Variants in CLDN14 observed in about 807,000 individuals in gnomAD.
CLDN14 encodes claudin 14.
In CLDN14, 2 loss-of-function variants were observed where a neutral mutation model predicts 2.1. The ratio of observed to expected loss-of-function variants is 0.96; its 90% CI spans 0.39 to 3.01. The LOEUF (loss-of-function observed/expected upper bound fraction) is 3.01. Among genes scored for constraint, CLDN14 ranks in the 30% most tolerant of loss-of-function variants. CLDN14 has a pLI of 0.09. For synonymous variants in CLDN14, 136 were observed against 154.4 expected, an observed-to-expected ratio of 0.88 and a Z score of 0.88; for missense variants, 298 against 328.0, an observed-to-expected ratio of 0.91 and a Z score of 0.71.
upstream of CLDN14, among the ~76,000 whole-genome samples, chr21:36,481,903 A>G (rs541075543): frequency 4.3e-4 from 65 of 152,192 alleles, no homozygotes; most frequent in Non-Finnish European, 6.5e-4. Context: ...GGCTAGCACT[A>G]CACCTTCCCC....
At chr21:36,486,527 T>A in intron 2 of CLDN14, 1 of 1,564,304 alleles carries the variant, frequency 6.4e-7, no homozygotes, top group Non-Finnish European at 8.8e-7. Flanking sequence ...GGCACCCCCT[T>A]CCCCAGCCAA....
intron 2 of CLDN14, among the ~76,000 whole-genome samples, chr21:36,496,272 C>T (rs963683296): frequency 6.6e-6 from 1 of 151,286 alleles, no homozygotes; most frequent in African/African-American, 2.4e-5. Flanking sequence ...CCCATCTCTA[C>T]AAAAAAATAC....
upstream of CLDN14, chr21:36,480,864 C>T (rs219740): frequency 0.33 from 50,015 of 151,724 alleles, 10,002 homozygotes; most frequent in African/African-American, 0.57. Context: ...AAAGATGCAG[C>T]GAAGGAATCT....
intron 1 of CLDN14, among the ~76,000 whole-genome samples, chr21:36,560,338 G>A (rs749442391): frequency 5.3e-5 from 8 of 151,564 alleles, no homozygotes; most frequent in Non-Finnish European, 1.0e-4. Context: ...GCATCTTCCT[G>A]GTCCCTTAAC....
intron 2 of CLDN14, among the ~76,000 whole-genome samples, chr21:36,491,010 T>C (rs1212900934): frequency 6.6e-6 from 1 of 151,564 alleles, no homozygotes; most frequent in Non-Finnish European, 1.5e-5. Context: ...ACACACATTG[T>C]TTTCTCAAAA....
intron 1 of CLDN14, among the ~76,000 whole-genome samples, chr21:36,563,262 G>T (rs913781139): frequency 6.6e-6 from 1 of 152,156 alleles, no homozygotes; most frequent in African/African-American, 2.4e-5. Context: ...GAAAAAGATT[G>T]GAGTCATAGC....
intron 1 of CLDN14, among the ~76,000 whole-genome samples, chr21:36,568,911 C>A (rs562840574): frequency 4.3e-4 from 66 of 152,288 alleles, no homozygotes; most frequent in Middle Eastern, 6.8e-3. Context: ...ATTTGATTAA[C>A]CAGTTTGACT....
At position 36,544,395 on chromosome 21, in the gene CLDN14, G is replaced by A. The variant is rs1349690339; in HGVS notation, c.-220+32016C>T. ...AGGGTAGGCCTGCTGGATTGTGGGT[G>A]TCTTACATTTGCTCATCCTCCAAGA... On this transcript the variant is annotated intron_variant, in intron 1 of 2. Coordinates refer to the CLDN14 transcript ENST00000342108. This position sits in a 1 kb window ranked among gnomAD's most constrained non-coding sequence, Gnocchi z 4.1. Among the ~76,000 whole-genome samples the A allele has an allele frequency of 1.3e-5, 2 of 152,230 alleles. No individual in the cohort carries two copies. The highest frequency in any genetic ancestry group is 2.9e-5 in the Non-Finnish European group (2 of 68,040).
At chr21:36,541,448 A>T (rs1186291570) in intron 1 of CLDN14, among the ~76,000 whole-genome samples, 1 of 152,194 alleles carries the variant, frequency 6.6e-6, no homozygotes, top group Admixed American at 6.5e-5. Flanking sequence ...AACTACAAGC[A>T]AAAAACCTTA....
chr21:36,553,863 T>C (rs1416215528), intron 1 of CLDN14, among the ~76,000 whole-genome samples: 1 of 152,192 alleles, frequency 6.6e-6, no homozygotes, highest in Non-Finnish European at 1.5e-5. Flanking sequence ...TGACTCCATC[T>C]TGGATGCTAA....
At chr21:36,522,660 C>T (rs893224087) in intron 1 of CLDN14, among the ~76,000 whole-genome samples, 15 of 152,226 alleles carry the variant, frequency 9.9e-5, no homozygotes, top group African/African-American at 2.9e-4. Flanking sequence ...CGGCTGTCCC[C>T]GGAGCCCAAC....
At position 36,537,651 on chromosome 21, in the gene CLDN14, C is replaced by CTTTTTTTTTTTTTTTTTTTTTTT. The variant is rs371651908; in HGVS notation, c.-219-27152_-219-27151insAAAAAAAAAAAAAAAAAAAAAAA. Reference sequence around the variant, plus strand: ...CTTCTTTTTTCTTTGTTTTTCTTTTCTTTTCTTTTTTTTTTTGAGACGGAG... The same window carrying CTTTTTTTTTTTTTTTTTTTTTTT: ...CTTCTTTTTTCTTTGTTTTTCTTTTCTTTTTTTTTTTTTTTTTTTTTTTTTTTCTTTTTTTTTTTGAGACGGAG... On this transcript the variant is annotated intron_variant, in intron 1 of 2. Transcript: ENST00000342108. 2.1e-5 allele frequency among the ~76,000 whole-genome samples: 3 copies of CTTTTTTTTTTTTTTTTTTTTTTT among 143,606 alleles called. 1 individual carries two copies. Among genetic ancestry groups the CTTTTTTTTTTTTTTTTTTTTTTT allele is most frequent in the Non-Finnish European group, 1.5e-5 (1 of 65,704 alleles). 94.2% of individuals were successfully genotyped at this position (143,606 alleles called of 152,430 possible).
chr21:36,540,334 G>A (rs1178740404), intron 1 of CLDN14, among the ~76,000 whole-genome samples: 3 of 152,108 alleles, frequency 2.0e-5, no homozygotes, highest in African/African-American at 7.2e-5. Context: ...GTAAATAGTT[G>A]TTATACTGTG....
chr21:36,484,431 A>G (rs891882235), upstream of CLDN14, among the ~76,000 whole-genome samples: 3 of 152,124 alleles, frequency 2.0e-5, no homozygotes, highest in African/African-American at 7.2e-5. Flanking sequence ...GAGGCTTGAG[A>G]CAACAGACAT....
intron 1 of CLDN14, among the ~76,000 whole-genome samples, chr21:36,571,383 C>T (rs1318209969): frequency 6.6e-6 from 1 of 152,206 alleles, no homozygotes; most frequent in African/African-American, 2.4e-5. Flanking sequence ...TTAAAACCTG[C>T]TCCTACCTCT....
At chr21:36,471,799 A>G (rs915953986) in intron 1 of CLDN14, among the ~76,000 whole-genome samples, 3 of 152,098 alleles carry the variant, frequency 2.0e-5, no homozygotes, top group Non-Finnish European at 4.4e-5. Context: ...TCTGAAAATT[A>G]TTTACTTGAG....
chr21:36,486,135 C>T (rs148100059), intron 2 of CLDN14: 82 of 1,296,168 alleles, frequency 6.3e-5, no homozygotes, highest in East Asian at 4.4e-4. Context: ...TCCTGCATCA[C>T]GTCGTAATCA....
chr21:36,481,833 T>G (rs114354346), upstream of CLDN14, among the ~76,000 whole-genome samples: 894 of 152,320 alleles, frequency 5.9e-3, 7 homozygotes, highest in African/African-American at 0.02. Flanking sequence ...AAGGTATTGA[T>G]TTGTTCTTCG....
intron 1 of CLDN14, among the ~76,000 whole-genome samples, chr21:36,518,490 C>T (rs2146491032): frequency 2.0e-5 from 3 of 151,916 alleles, no homozygotes; most frequent in Middle Eastern, 6.8e-3. Context: ...ATCCCAGCTA[C>T]TCAGAAGGCT....
Sources: gnomAD v4.1 joint callset for allele counts (sites outside exome capture counted in the v4.1 genomes callset) on GRCh38, gnomAD v4.1.1 for gene constraint, Gnocchi (gnomAD v3.1) non-coding constraint, MANE v1.5 for transcripts, NCBI Gene and HGNC (gene_info 2026-07-23, HGNC 2026-07-21) for gene names.